Variants in SPIDR observed in about 807,000 individuals in gnomAD.
SPIDR encodes scaffold protein involved in DNA repair, also known as DNA repair-scaffolding protein.
A neutral mutation model predicts 104.6 loss-of-function variants in SPIDR; 93 were observed. That is an observed-to-expected ratio of 0.89 (90% CI 0.75 to 1.06). SPIDR has a LOEUF of 1.06. Ranked by LOEUF, SPIDR falls within the 50% of genes least tolerant of loss-of-function variation. The pLI is 0.00. For synonymous variants in SPIDR, 431 were observed against 416.9 expected (o/e 1.03, Z -0.41); for missense variants, 1,154 against 1,111.2 (o/e 1.04, Z -0.55).
At chr8:47,494,173 G>A (rs1019519709) in intron 8 of SPIDR, among the ~76,000 whole-genome samples, 1 of 150,812 alleles carries the variant, frequency 6.6e-6, no homozygotes, top group Non-Finnish European at 1.5e-5. Context: ...ATTTTTCATG[G>A]AAATGGGGGT....
chr8:47,311,076 G>T (rs2154254459), intron 5 of SPIDR, among the ~76,000 whole-genome samples: 1 of 152,202 alleles, frequency 6.6e-6, no homozygotes, highest in African/African-American at 2.4e-5. Flanking sequence ...AAGAAAATAT[G>T]TACACCATGA....
chr8:47,341,939 C>T (rs80101584), intron 5 of SPIDR, among the ~76,000 whole-genome samples: 3,372 of 152,220 alleles, frequency 0.022, 96 homozygotes, highest in East Asian at 0.08. Flanking sequence ...CTCGGAGTTG[C>T]GCATGGAGAA....
intron 8 of SPIDR, among the ~76,000 whole-genome samples, chr8:47,461,964 G>T (rs1289783933): frequency 6.6e-6 from 1 of 151,850 alleles, no homozygotes; most frequent in African/African-American, 2.4e-5. Context: ...GAGCTGGTGT[G>T]ATTTTTGGGG....
At chr8:47,545,647 T>C (rs918437711) in intron 8 of SPIDR, among the ~76,000 whole-genome samples, 4 of 152,204 alleles carry the variant, frequency 2.6e-5, no homozygotes, top group Admixed American at 6.5e-5. Context: ...CTTATTGCAC[T>C]GGCTAGAACT....
intron 8 of SPIDR, among the ~76,000 whole-genome samples, chr8:47,569,193 A>C (rs2058236837): frequency 6.6e-6 from 1 of 152,226 alleles, no homozygotes; most frequent in African/African-American, 2.4e-5. Context: ...CTATATATTA[A>C]TTAAAAGGTT....
chr8:47,573,632 C>G (rs1015626614), intron 8 of SPIDR, among the ~76,000 whole-genome samples: 1 of 152,176 alleles, frequency 6.6e-6, no homozygotes, highest in Non-Finnish European at 1.5e-5. Context: ...ATTCCTGCCC[C>G]GGATGTTTTC....
At chr8:47,717,302 G>A (rs144963639) in intron 16 of SPIDR, among the ~76,000 whole-genome samples, 2 of 152,292 alleles carry the variant, frequency 1.3e-5, no homozygotes, top group African/African-American at 4.8e-5. Flanking sequence ...CAGAGGCCAG[G>A]ATTAGTCAGG....
intron 8 of SPIDR, among the ~76,000 whole-genome samples, chr8:47,589,390 C>T (rs921762572): frequency 6.6e-6 from 1 of 151,758 alleles, no homozygotes; most frequent in African/African-American, 2.4e-5. Flanking sequence ...GGCATGGTGG[C>T]GCGCGCCTGT....
intron 11 of SPIDR, among the ~76,000 whole-genome samples, chr8:47,679,632 C>T (rs934294208): frequency 2.0e-5 from 3 of 152,084 alleles, no homozygotes; most frequent in Non-Finnish European, 4.4e-5. Context: ...CGCCTGCCTC[C>T]ATCCCCTCCA....
intron 19 of SPIDR, 78 bp from the exon 20 acceptor site, chr8:47,735,229 C>T (rs2086090646): frequency 2.1e-6 from 3 of 1,424,758 alleles, no homozygotes; most frequent in Non-Finnish European, 3.0e-6. Context: ...TCCACTCTGG[C>T]TCTCTGGTTT....
chr8:47,665,483 G>C (rs150932468), intron 10 of SPIDR, among the ~76,000 whole-genome samples: 300 of 152,192 alleles, frequency 2.0e-3, no homozygotes, highest in Non-Finnish European at 3.6e-3. Context: ...GTTTGGACTA[G>C]ACCTAATTAT....
rs149059226 is a variant in SPIDR, at chr8:47,418,624, C to T, written c.877+10663C>T. ...AATACCCTTTATTTCCTTCTCCTGC[C>T]TGATTGCCCTGGCCAGAACTTCCAA... On this transcript the variant is annotated intron_variant, in intron 7 of 19. Transcript: ENST00000297423. Among the ~76,000 whole-genome samples, 26 of 152,208 alleles carry T rather than the reference C, an allele frequency of 1.7e-4. 1 individual carries two copies. The highest frequency in any genetic ancestry group is 6.0e-4 in the African/African-American group (25 of 41,520).
intron 8 of SPIDR, among the ~76,000 whole-genome samples, chr8:47,580,335 C>T (rs2059585151): frequency 6.6e-6 from 1 of 152,212 alleles, no homozygotes; most frequent in Non-Finnish European, 1.5e-5. Context: ...GTAGTGACAG[C>T]AGCAGTGCCG....
intron 11 of SPIDR, among the ~76,000 whole-genome samples, chr8:47,697,394 C>G (rs995855020): frequency 2.6e-5 from 4 of 152,038 alleles, no homozygotes; most frequent in Admixed American, 2.0e-4. Flanking sequence ...CAATTTTAAC[C>G]ATTTTAAGTA....
intron 5 of SPIDR, among the ~76,000 whole-genome samples, chr8:47,327,347 A>G (rs1406671540): frequency 1.3e-5 from 2 of 150,310 alleles, no homozygotes; most frequent in Non-Finnish European, 3.0e-5. Flanking sequence ...TGTCAAATAT[A>G]TGACTGGCAA....
Position 47,419,868 on chromosome 8 carries a change from C to T in SPIDR, c.877+11907C>T, listed in dbSNP as rs868939029. On this transcript the variant is annotated intron_variant, in intron 7 of 19. Coordinates refer to ENST00000297423, the MANE Select transcript of SPIDR (RefSeq NM_001080394.4). ...AACATCTTTATTTCTGCCTTCATTTCGTTATGTACCCAGTAGTCATTCAGG... is the reference window on the plus strand; with the variant it reads ...AACATCTTTATTTCTGCCTTCATTTTGTTATGTACCCAGTAGTCATTCAGG... 4.6e-5 allele frequency among the ~76,000 whole-genome samples: 7 copies of T among 152,228 alleles called. 1 individual carries two copies. In the South Asian group the frequency reaches 1.5e-3, roughly 32 times the overall value.
chr8:47,314,870 A>G (rs1271090647), intron 5 of SPIDR, among the ~76,000 whole-genome samples: 1 of 152,236 alleles, frequency 6.6e-6, no homozygotes, highest in Non-Finnish European at 1.5e-5. Context: ...ATAGAAAACA[A>G]GACTTCCTGT....
At chr8:47,706,924 C>T (rs992935365) in intron 14 of SPIDR, among the ~76,000 whole-genome samples, 8 of 151,684 alleles carry the variant, frequency 5.3e-5, no homozygotes, top group Non-Finnish European at 1.2e-4. Flanking sequence ...CCAAGACCAC[C>T]TTGGCCAACA....
In SPIDR at chr8:47,701,975, G is replaced by A. The variant is rs769069909; in HGVS notation, c.1937G>A (p.Arg646His). The A allele has an allele frequency of 2.2e-5, 35 of 1,613,620 alleles. No individual in the cohort carries two copies. Among genetic ancestry groups the A allele is most frequent in the Middle Eastern group, 1.6e-4 (1 of 6,084 alleles). The change falls in exon 14 of 20, where the codon CGT becomes CAT. Residue 646 changes from arginine (R) to histidine (H), a missense_variant. Physicochemically the swap from Arg to His is conservative, Grantham distance 29. Transcript: ENST00000297423. ...DILQMNDLGTRCSFYATVIYQ... is the reference protein window; with the variant it reads ...DILQMNDLGTHCSFYATVIYQ... Reference sequence around the variant, plus strand: ...TTCCAGATGAATGATCTTGGTACCCGTTGCAGTTTCTATGCCACGGTGATT... The same window carrying A: ...TTCCAGATGAATGATCTTGGTACCCATTGCAGTTTCTATGCCACGGTGATT...
Sources: gnomAD v4.1 joint callset for allele counts (sites outside exome capture counted in the v4.1 genomes callset) on GRCh38, gnomAD v4.1.1 for gene constraint, MANE v1.5 for transcripts, NCBI Gene and HGNC (gene_info 2026-07-23, HGNC 2026-07-21) for gene names.